The following NBAS variants were observed in gnomAD, a reference collection of about 807,000 sequenced individuals.
NBAS encodes the protein NBAS subunit of NRZ tethering complex, also known as NAG/BC035112 fusion.
In NBAS, 219 loss-of-function variants were observed where a neutral mutation model predicts 302.5. The ratio of observed to expected loss-of-function variants is 0.72; its 90% CI spans 0.65 to 0.81. NBAS has a LOEUF of 0.81. Among genes scored for constraint, NBAS ranks in the 30% least tolerant of loss-of-function variants. The pLI is 0.00. For synonymous variants in NBAS, 1,118 were observed against 1,021.6 expected, an observed-to-expected ratio of 1.09 and a Z score of -1.80; for missense variants, 2,932 against 2,841.6, an observed-to-expected ratio of 1.03 and a Z score of -0.72.
At chr2:15,410,553 G>A (rs1488663770) in intron 25 of NBAS, among the ~76,000 whole-genome samples, 2 of 151,910 alleles carry the variant, frequency 1.3e-5, no homozygotes, top group African/African-American at 2.4e-5. Flanking sequence ...ACTGATACAT[G>A]TGTATTTGAC....
At chr2:14,808,690 T>C in the NBAS span, among the ~76,000 whole-genome samples, 1 of 152,170 alleles carries the variant, frequency 6.6e-6, no homozygotes, top group African/African-American at 2.4e-5. Context: ...TACAGTAAAT[T>C]GGTACCAGTA....
the NBAS span, among the ~76,000 whole-genome samples, chr2:14,952,001 T>C: frequency 6.6e-6 from 1 of 152,162 alleles, no homozygotes; most frequent in African/African-American, 2.4e-5. Flanking sequence ...GGTGAAAAGC[T>C]GATTAAATAT....
intron 28 of NBAS, among the ~76,000 whole-genome samples, chr2:15,384,990 AAT>A (rs34345004): frequency 0.62 from 93,984 of 151,890 alleles, 29,877 homozygotes; most frequent in Middle Eastern, 0.68. Context: ...TACAGCAAAA[AAT>A]ATAGTCTTTA....
chr2:14,947,085 A>T, the NBAS span, among the ~76,000 whole-genome samples: 1 of 152,154 alleles, frequency 6.6e-6, no homozygotes, highest in Non-Finnish European at 1.5e-5. Context: ...TCAAATCAAC[A>T]GCCTAACAGT....
At chr2:15,057,377 C>A in the NBAS span, among the ~76,000 whole-genome samples, 1 of 132,086 alleles carries the variant, frequency 7.6e-6, no homozygotes, top group African/African-American at 3.3e-5. Context: ...AGAGACTGTT[C>A]TTGGACCTTT....
At chr2:14,819,881 G>C in the NBAS span, among the ~76,000 whole-genome samples, 1 of 152,294 alleles carries the variant, frequency 6.6e-6, no homozygotes, top group African/African-American at 2.4e-5. Context: ...CTCAAAAGAA[G>C]AGTACAAATG....
At chr2:15,235,861 G>A (rs1306340014) in intron 45 of NBAS, among the ~76,000 whole-genome samples, 2 of 152,182 alleles carry the variant, frequency 1.3e-5, no homozygotes, top group Non-Finnish European at 2.9e-5. Flanking sequence ...AAATCCCTAT[G>A]AGTTAAGCAG....
chr2:14,857,895 A>T, the NBAS span, among the ~76,000 whole-genome samples: 1 of 152,076 alleles, frequency 6.6e-6, no homozygotes, highest in East Asian at 1.9e-4. Context: ...AACCCATAGA[A>T]TGGGAGAAAA....
the NBAS span, among the ~76,000 whole-genome samples, chr2:15,155,559 A>G: frequency 6.6e-6 from 1 of 152,164 alleles, no homozygotes; most frequent in East Asian, 1.9e-4. Context: ...AGCTTGGGTC[A>G]TCTCCTCAAG....
chr2:14,978,198 T>C, the NBAS span, among the ~76,000 whole-genome samples: 2 of 152,192 alleles, frequency 1.3e-5, no homozygotes, highest in African/African-American at 2.4e-5. Context: ...TGTGCAACTT[T>C]CCCTGGTTCT....
intron 12 of NBAS, among the ~76,000 whole-genome samples, chr2:15,487,956 T>C (rs931659946): frequency 1.3e-5 from 2 of 152,116 alleles, no homozygotes; most frequent in African/African-American, 4.8e-5. Flanking sequence ...AAAATAAGAA[T>C]ATCTAAAACA....
At chr2:15,266,805 C>G (rs910537373) in intron 44 of NBAS, among the ~76,000 whole-genome samples, 4 of 152,090 alleles carry the variant, frequency 2.6e-5, no homozygotes, top group African/African-American at 7.2e-5. Context: ...GTTGTGACTC[C>G]TCTTTATGCA....
chr2:15,180,162 A>T (rs1271785009), intron 50 of NBAS: 1 of 152,240 alleles, frequency 6.6e-6, no homozygotes, highest in African/African-American at 2.4e-5. Context: ...GAGCATCAAT[A>T]AAATAAGAAT....
the NBAS span, among the ~76,000 whole-genome samples, chr2:14,952,223 A>G: frequency 6.6e-6 from 1 of 152,214 alleles, no homozygotes; most frequent in Non-Finnish European, 1.5e-5. Context: ...GGAAAGTCCT[A>G]TAAATGGCAC....
chr2:15,120,852 G>C, the NBAS span, among the ~76,000 whole-genome samples: 1 of 152,192 alleles, frequency 6.6e-6, no homozygotes, highest in Non-Finnish European at 1.5e-5. Context: ...GTTGCTGCAG[G>C]CATCCTTGGA....
chr2:15,423,490 T>A (rs1488749030), intron 23 of NBAS, among the ~76,000 whole-genome samples: 3 of 152,222 alleles, frequency 2.0e-5, no homozygotes, highest in Non-Finnish European at 4.4e-5. Context: ...TATTTATTTT[T>A]AAAATTTTTA....
chr2:14,838,314 C>A, the NBAS span, among the ~76,000 whole-genome samples: 1 of 151,880 alleles, frequency 6.6e-6, no homozygotes, highest in Non-Finnish European at 1.5e-5. Flanking sequence ...CTTTTCATAT[C>A]ACTATGTGTT....
chr2:15,441,126 C>T (rs1678373618), intron 21 of NBAS, among the ~76,000 whole-genome samples: 1 of 152,080 alleles, frequency 6.6e-6, no homozygotes, highest in African/African-American at 2.4e-5. Context: ...GCAAGGCAAG[C>T]CAACATTCAG....
At chr2:14,789,834 T>C in the NBAS span, among the ~76,000 whole-genome samples, 1 of 152,172 alleles carries the variant, frequency 6.6e-6, no homozygotes, top group Non-Finnish European at 1.5e-5. Context: ...TCTTTGTATC[T>C]CCAGTACTGC....
Sources: gnomAD v4.1 joint callset for allele counts (sites outside exome capture counted in the v4.1 genomes callset) on GRCh38, gnomAD v4.1.1 for gene constraint, MANE v1.5 for transcripts, NCBI Gene and HGNC (gene_info 2026-07-23, HGNC 2026-07-21) for gene names.